Variants in DAB2IP observed in about 807,000 individuals in gnomAD.
DAB2IP encodes DAB2 interacting protein.
Under a neutral mutation model 107.2 loss-of-function variants are expected in DAB2IP, and 28 were observed. The observed-to-expected ratio is 0.26, with a 90% CI of 0.19 to 0.36. DAB2IP has a LOEUF of 0.36. Among genes scored for constraint, DAB2IP ranks in the 10% least tolerant of loss-of-function variants. The pLI, the probability that DAB2IP is intolerant of heterozygous loss-of-function variation, is 1.00. For missense variants in DAB2IP, 1,400 were observed against 1,644.7 expected (o/e 0.85, Z 2.57); for synonymous variants, 755 against 706.4 (o/e 1.07, Z -1.09).
At chr9:121,609,393 C>T (rs1187288236) in intron 1 of DAB2IP, among the ~76,000 whole-genome samples, 1 of 152,202 alleles carries the variant, frequency 6.6e-6, no homozygotes, top group Admixed American at 6.5e-5. Context: ...GTGCATCTGA[C>T]ACCCTGCCAC....
chr9:121,783,687 G>A, exon 16 of DAB2IP: 2 of 1,155,020 alleles, frequency 1.7e-6, no homozygotes, highest in Non-Finnish European at 2.6e-6. Flanking sequence ...TGCCCCGTGT[G>A]TGTGGCCGGC....
At position 121,610,056 on chromosome 9, in the gene DAB2IP, A is replaced by ATG. The variant is rs10537988; in HGVS notation, c.40+42850_40+42851dup. On this transcript the variant is annotated intron_variant, in intron 1 of 16. Transcript: ENST00000259371. ...CACTCTGAGCTACTTGATTTTGTGT[A>ATG]TGTGTGTGTGTGTGTGTGTGTGTAT... 5.8e-3 allele frequency among the ~76,000 whole-genome samples: 867 copies of ATG among 150,596 alleles called. 15 individuals carry two copies. Among genetic ancestry groups the ATG allele is most frequent in the African/African-American group, 0.02 (806 of 41,076 alleles).
chr9:121,577,730 T>C (rs1036191268), intron 1 of DAB2IP, among the ~76,000 whole-genome samples: 1 of 151,898 alleles, frequency 6.6e-6, no homozygotes, highest in Non-Finnish European at 1.5e-5. Flanking sequence ...TTGCTAATGG[T>C]GGGGTGTTAG....
chr9:121,699,223 C>T lies in DAB2IP; in HGVS notation c.229-102C>T, dbSNP rs1829614391. ...AGCCCGAGCCCGGCCCGCCCTCGGC[C>T]GCGCGGCCGCCCAGCAAGGGTGCGG... is the stretch of plus-strand genomic sequence containing the variant. On this transcript the variant is annotated intron_variant, in intron 2 of 15. Transcript: ENST00000408936. This position sits in a 1 kb window ranked among gnomAD's most constrained non-coding sequence, Gnocchi z 6.2. The T allele has an allele frequency of 2.0e-6, 2 of 1,013,858 alleles. No homozygotes were observed. Among genetic ancestry groups the T allele is most frequent in the Non-Finnish European group, 2.4e-6 (2 of 849,696 alleles). The allele number at this position is 1,013,858 out of a possible 1,614,324, so 62.8% of individuals were successfully genotyped here.
intron 3 of DAB2IP, among the ~76,000 whole-genome samples, chr9:121,755,388 G>A (rs1436054783): frequency 1.3e-5 from 2 of 152,270 alleles, no homozygotes. Flanking sequence ...GAGTCCTTGT[G>A]GGAGTTGGGG....
chr9:121,726,771 T>C (rs1284574045), intron 3 of DAB2IP, among the ~76,000 whole-genome samples: 8 of 152,004 alleles, frequency 5.3e-5, no homozygotes, highest in Non-Finnish European at 1.2e-4. Flanking sequence ...AGAAACTGAG[T>C]TGGGTTTTTT....
intron 1 of DAB2IP, among the ~76,000 whole-genome samples, chr9:121,597,297 G>C (rs1000731834): frequency 9.9e-5 from 15 of 152,264 alleles, no homozygotes; most frequent in African/African-American, 3.4e-4. Context: ...TGCATGGTGT[G>C]AGGTAGGGAT....
In DAB2IP at chr9:121,634,972, G is replaced by T. The variant is rs958279411; in HGVS notation, c.41-43706G>T. Among the ~76,000 whole-genome samples the T allele has an allele frequency of 6.6e-6, 1 of 152,170 alleles. No homozygotes were observed. The highest frequency in any genetic ancestry group is 2.4e-5 in the African/African-American group (1 of 41,432). ...CAGGTTTGATGCCTGATACCATGGG[G>T]CCCTGTGTGCCAGTGCGGCCCACCC... On this transcript the variant is annotated intron_variant, in intron 1 of 16. Coordinates refer to the DAB2IP transcript ENST00000259371. The surrounding 1 kb of genome is among the most constrained non-coding windows in gnomAD (Gnocchi z 4.7).
At chr9:121,753,797 C>A (rs187934430) in intron 3 of DAB2IP, among the ~76,000 whole-genome samples, 5 of 152,220 alleles carry the variant, frequency 3.3e-5, no homozygotes, top group Non-Finnish European at 7.3e-5. Context: ...GAGGTAGAGA[C>A]CAGTGCCTGC....
In DAB2IP at chr9:121,699,202, C is replaced by G. The variant is rs1373297289; in HGVS notation, c.229-123C>G. On this transcript the variant is annotated intron_variant, in intron 2 of 15. Coordinates refer to ENST00000408936, the Ensembl canonical transcript of DAB2IP. The surrounding 1 kb of genome is among the most constrained non-coding windows in gnomAD (Gnocchi z 6.2). Reference sequence around the variant, plus strand: ...GGCCGCGAGCTGCTGGGGCCGAGCCCGAGCCCGGCCCGCCCTCGGCCGCGC... The same window carrying G: ...GGCCGCGAGCTGCTGGGGCCGAGCCGGAGCCCGGCCCGCCCTCGGCCGCGC... The G allele has an allele frequency of 1.3e-5, 13 of 977,502 alleles. No homozygotes were observed. Among genetic ancestry groups the G allele is most frequent in the Admixed American group, 6.3e-5 (1 of 15,752 alleles). The allele number at this position is 977,502 out of a possible 1,614,324, so 60.6% of individuals were successfully genotyped here.
intron 3 of DAB2IP, among the ~76,000 whole-genome samples, chr9:121,715,519 A>T (rs1032654200): frequency 1.3e-5 from 2 of 151,266 alleles, no homozygotes; most frequent in East Asian, 2.0e-4. Flanking sequence ...CACCCGGCTA[A>T]TTTTTTTGTA....
rs938185063 is a variant in DAB2IP, at chr9:121,702,434, C to T, written c.362+2976C>T. 5.3e-5 allele frequency among the ~76,000 whole-genome samples: 8 copies of T among 152,084 alleles called. No individual in the cohort carries two copies. Among genetic ancestry groups the T allele is most frequent in the African/African-American group, 9.7e-5 (4 of 41,404 alleles). On this transcript the variant is annotated intron_variant, in intron 3 of 15. Transcript: ENST00000408936. This position sits in a 1 kb window ranked among gnomAD's most constrained non-coding sequence, Gnocchi z 4.5. ...GGGCTGTAGGACAGGCTTGAGCCTT[C>T]GGACTTATTCTTCTGAAACGGCCTC...
intron 1 of DAB2IP, among the ~76,000 whole-genome samples, chr9:121,582,678 A>G (rs551561415): frequency 2.0e-5 from 3 of 152,190 alleles, no homozygotes; most frequent in Non-Finnish European, 4.4e-5. Context: ...AGCCAAATCT[A>G]GCTGTTGACA....
chr9:121,642,383 G>T (rs555989222), intron 1 of DAB2IP, among the ~76,000 whole-genome samples: 1 of 151,788 alleles, frequency 6.6e-6, no homozygotes, highest in African/African-American at 2.4e-5. Context: ...TTTCACCATT[G>T]CTGGCCAGGC....
At chr9:121,602,796 T>C (rs1375214428) in intron 1 of DAB2IP, among the ~76,000 whole-genome samples, 9 of 152,146 alleles carry the variant, frequency 5.9e-5, no homozygotes, top group East Asian at 1.9e-4. Flanking sequence ...AGGATGGCCT[T>C]GATCTCCTGA....
intron 1 of DAB2IP, among the ~76,000 whole-genome samples, chr9:121,578,793 T>C (rs192563290): frequency 6.2e-4 from 74 of 119,962 alleles, no homozygotes; most frequent in Non-Finnish European, 1.0e-3. Flanking sequence ...CAGGCTGGAG[T>C]GCAGAGGCAC....
intron 1 of DAB2IP, among the ~76,000 whole-genome samples, chr9:121,614,323 C>A (rs540432938): frequency 6.8e-6 from 1 of 147,950 alleles, no homozygotes; most frequent in African/African-American, 2.5e-5. Flanking sequence ...CCCACCTTTG[C>A]ACTTCTTTCT....
At position 121,599,802 on chromosome 9, in the gene DAB2IP, G is replaced by T. The variant is rs1277563886; in HGVS notation, c.40+32574G>T. Among the ~76,000 whole-genome samples the T allele has an allele frequency of 6.6e-6, 1 of 152,128 alleles. No homozygotes were observed. The highest frequency in any genetic ancestry group is 1.5e-5 in the Non-Finnish European group (1 of 68,004). ...GGGGCCGCGGCTCAGGTGGAGGGGG[G>T]CTCGGTGGTTTGCCGGGATCCGAGC... On this transcript the variant is annotated intron_variant, in intron 1 of 16. Coordinates refer to the DAB2IP transcript ENST00000259371. The surrounding 1 kb of genome is among the most constrained non-coding windows in gnomAD (Gnocchi z 6.9).
At chr9:121,700,919 G>A (rs948137525) in intron 3 of DAB2IP, among the ~76,000 whole-genome samples, 1 of 152,168 alleles carries the variant, frequency 6.6e-6, no homozygotes, top group Non-Finnish European at 1.5e-5. Context: ...AGAGCTCAGC[G>A]CTGGGTGCAG....
Sources: allele counts gnomAD v4.1 joint callset (sites outside exome capture counted in the v4.1 genomes callset), GRCh38; gene constraint gnomAD v4.1.1; non-coding constraint Gnocchi (gnomAD v3.1); transcripts MANE v1.5; gene names NCBI Gene and HGNC (gene_info 2026-07-23, HGNC 2026-07-21).